TENM4: variants seen among roughly 807,000 people sequenced by gnomAD.
The protein encoded by TENM4 is teneurin transmembrane protein 4, also known as teneurin-4.
A neutral mutation model predicts 243.3 loss-of-function variants in TENM4; 82 were observed. The observed-to-expected ratio is 0.34, with a 90% confidence interval of 0.28 to 0.40. The LOEUF is 0.40. TENM4 is among the 10% of genes least tolerant of loss of function. The pLI is 1.00. For synonymous variants in TENM4, 1,412 were observed against 1,456.3 expected, an observed-to-expected ratio of 0.97 and a Z score of 0.69; for missense variants, 3,138 against 3,673.3, an observed-to-expected ratio of 0.85 and a Z score of 3.77.
chr11:79,310,197 A>G (rs1477543678), intron 1 of TENM4, among the ~76,000 whole-genome samples: 1 of 152,160 alleles, frequency 6.6e-6, no homozygotes, highest in Non-Finnish European at 1.5e-5. Flanking sequence ...GGCCAAATAA[A>G]ATGAAGAACA....
intron 1 of TENM4, among the ~76,000 whole-genome samples, chr11:79,421,501 C>T (rs774294969): frequency 4.6e-5 from 7 of 152,170 alleles, no homozygotes; most frequent in Non-Finnish European, 7.3e-5. Flanking sequence ...ACGATGGGCA[C>T]TTTTGAAATA....
chr11:78,785,167 C>G (rs1856910428), intron 16 of TENM4, among the ~76,000 whole-genome samples: 1 of 151,722 alleles, frequency 6.6e-6, no homozygotes, highest in African/African-American at 2.4e-5. Context: ...GAGGGGAAAG[C>G]AGAGTTTAAA....
chr11:78,658,944 C>T lies in TENM4; in HGVS notation c.7552-128G>A, dbSNP rs181057754. On this transcript the variant is annotated intron_variant, in intron 33 of 33. Coordinates refer to ENST00000278550, the MANE Select transcript of TENM4 (RefSeq NM_001098816.3). ...ATTAACCTGCGGCATGTAGCTCTACCGCTGACCACCAGAACATCCAGGTGG... is the reference window on the plus strand; with the variant it reads ...ATTAACCTGCGGCATGTAGCTCTACTGCTGACCACCAGAACATCCAGGTGG... 1.8e-4 allele frequency: 194 copies of T among 1,077,286 alleles called. 1 individual carries two copies. The African/African-American group carries it at 1.9e-3, about 10-fold the overall frequency. 66.7% of individuals were successfully genotyped at this position (1,077,286 alleles called of 1,614,324 possible). A position where few individuals can be genotyped will look rare whatever the true frequency, so the allele number is the denominator to read the frequency against.
intron 6 of TENM4, among the ~76,000 whole-genome samples, chr11:79,049,185 A>G (rs767776210): frequency 4.6e-5 from 7 of 152,220 alleles, no homozygotes; most frequent in Non-Finnish European, 7.4e-5. Context: ...GGGCAGCACA[A>G]TTCCCTCCCC....
intron 3 of TENM4, among the ~76,000 whole-genome samples, chr11:79,173,118 T>G (rs532513656): frequency 2.6e-5 from 4 of 152,254 alleles, no homozygotes; most frequent in Admixed American, 6.5e-5. Flanking sequence ...CTTTGTTCAA[T>G]AAGTATTTGT....
chr11:79,286,916 G>A lies in TENM4; in HGVS notation c.-265+10572C>T, dbSNP rs188260764. 1.3e-3 allele frequency among the ~76,000 whole-genome samples: 191 copies of A among 152,290 alleles called. 1 individual carries two copies. The highest frequency in any genetic ancestry group is 4.2e-3 in the African/African-American group (174 of 41,564). ...ACAAACACATAAATAAATTTTAAAAGTTCATCAGGAAACTTGATAGCCACA... is the reference window on the plus strand; with the variant it reads ...ACAAACACATAAATAAATTTTAAAAATTCATCAGGAAACTTGATAGCCACA... On this transcript the variant is annotated intron_variant, in intron 2 of 33. Transcript: ENST00000278550.
intron 4 of TENM4, among the ~76,000 whole-genome samples, chr11:79,094,806 G>A (rs939748911): frequency 6.6e-6 from 1 of 152,202 alleles, no homozygotes; most frequent in Non-Finnish European, 1.5e-5. Flanking sequence ...GAAGATCAAG[G>A]TGCTAGGGCT....
chr11:78,787,963 A>C (rs940579116), intron 15 of TENM4, among the ~76,000 whole-genome samples: 5 of 152,214 alleles, frequency 3.3e-5, no homozygotes, highest in Admixed American at 1.3e-4. Context: ...TCTTTAGGAA[A>C]CAGGTTGAGC....
chr11:78,822,491 G>A (rs1042387195), intron 12 of TENM4, among the ~76,000 whole-genome samples: 1 of 152,166 alleles, frequency 6.6e-6, no homozygotes, highest in African/African-American at 2.4e-5. Context: ...ACATATAGAT[G>A]AAAAAGCTGA....
rs112742525 is a variant in TENM4, at chr11:78,912,555, C to T, written c.494-9032G>A. 7.9e-5 allele frequency among the ~76,000 whole-genome samples: 12 copies of T among 152,296 alleles called. No individual in the cohort carries two copies. The East Asian group carries it at 1.9e-3, about 24-fold the overall frequency. ...ACAGGCGTGAGCCACCGCGCCTAGC[C>T]GACTTCCAAACTTTTAAAGCTAAGA... On this transcript the variant is annotated intron_variant, in intron 6 of 33. Coordinates refer to ENST00000278550, the MANE Select transcript of TENM4 (RefSeq NM_001098816.3).
intron 1 of TENM4, among the ~76,000 whole-genome samples, chr11:79,385,349 C>T (rs1354940123): frequency 6.6e-6 from 1 of 152,202 alleles, no homozygotes; most frequent in Non-Finnish European, 1.5e-5. Context: ...GTAATTTCCA[C>T]CAGATGGTCA....
At chr11:78,790,346 T>C (rs1857027691) in intron 15 of TENM4, among the ~76,000 whole-genome samples, 1 of 152,252 alleles carries the variant, frequency 6.6e-6, no homozygotes, top group African/African-American at 2.4e-5. Context: ...ATGCAATTCA[T>C]TGAGCCTTGC....
At chr11:79,043,952 A>T (rs1859598474) in intron 6 of TENM4, among the ~76,000 whole-genome samples, 1 of 152,044 alleles carries the variant, frequency 6.6e-6, no homozygotes, top group African/African-American at 2.4e-5. Context: ...AGAGGAGGTG[A>T]ACTGGTGACA....
chr11:78,736,975 G>C (rs1038881911), intron 20 of TENM4, among the ~76,000 whole-genome samples: 1 of 152,302 alleles, frequency 6.6e-6, no homozygotes, highest in Middle Eastern at 3.4e-3. Flanking sequence ...GTCAGAGACT[G>C]AGCTTTCCCC....
intron 4 of TENM4, among the ~76,000 whole-genome samples, chr11:79,079,787 G>A (rs11600386): frequency 6.8e-6 from 1 of 147,504 alleles, no homozygotes; most frequent in South Asian, 2.1e-4. Context: ...AGCTGACATC[G>A]AGCCGCTGCA....
At chr11:78,706,292 A>G (rs1859246046) in intron 27 of TENM4, among the ~76,000 whole-genome samples, 1 of 152,126 alleles carries the variant, frequency 6.6e-6, no homozygotes, top group Admixed American at 6.5e-5. Context: ...AGGTTGCAAC[A>G]ACTTCCTTCT....
intron 6 of TENM4, among the ~76,000 whole-genome samples, chr11:79,035,954 C>T (rs962732808): frequency 5.3e-5 from 8 of 152,174 alleles, no homozygotes; most frequent in Non-Finnish European, 1.0e-4. Context: ...TGCTTAAAAA[C>T]ATAAAAGATG....
chr11:78,701,475 A>G, intron 28 of TENM4, 51 bp downstream of exon 28: 1 of 1,511,024 alleles, frequency 6.6e-7, no homozygotes, highest in Admixed American at 2.2e-5. Flanking sequence ...CTCCAATCCT[A>G]CAATGAATTA....
In TENM4 at chr11:79,025,591, C is replaced by G. The variant is rs994394527; in HGVS notation, c.493+39147G>C. Among the ~76,000 whole-genome samples the G allele has an allele frequency of 4.6e-5, 7 of 152,174 alleles. No homozygotes were observed. The South Asian group carries it at 1.0e-3, about 23-fold the overall frequency. On this transcript the variant is annotated intron_variant, in intron 6 of 33. Transcript: ENST00000278550. ...TCTGTGGTAGGTATTATTATTATCT[C>G]TATTCTCTGGATGAGGAAACTGAGG...
Sources: gnomAD v4.1 joint callset for allele counts (sites outside exome capture counted in the v4.1 genomes callset) on GRCh38, gnomAD v4.1.1 for gene constraint, MANE v1.5 for transcripts, NCBI Gene and HGNC (gene_info 2026-07-23, HGNC 2026-07-21) for gene names.